Variants in NPM2 observed in about 807,000 individuals in gnomAD.
The protein encoded by NPM2 is nucleophosmin/nucleoplasmin 2.
A neutral mutation model predicts 32.0 loss-of-function variants in NPM2; 25 were observed. That is an observed-to-expected ratio of 0.78 (90% confidence interval 0.57 to 1.09). NPM2 has a LOEUF of 1.09. Ranked by LOEUF, NPM2 falls within the 50% of genes least tolerant of loss-of-function variation. NPM2 has a pLI of 0.00. For synonymous variants in NPM2, 111 were observed against 94.2 expected (o/e 1.18, Z -1.04); for missense variants, 282 against 259.9 (o/e 1.08, Z -0.58).
rs576327818 is a variant in NPM2, at chr8:22,024,738, G to C, written c.-126G>C. 6.5e-6 allele frequency: 1 copy of C among 153,436 alleles called. No homozygotes were observed. Among genetic ancestry groups the C allele is most frequent in the South Asian group, 2.1e-4 (1 of 4,864 alleles). The allele number at this position is 153,436 out of a possible 1,614,324, so 9.5% of individuals were successfully genotyped here. Reference sequence around the variant, plus strand: ...CCCCTTCCCAGGCTTCTTAGCCCGGGCTTGGACAGCCGCCTTCCGGCCAGA... The same window carrying C: ...CCCCTTCCCAGGCTTCTTAGCCCGGCCTTGGACAGCCGCCTTCCGGCCAGA... On this transcript the variant is annotated 5_prime_UTR_variant, in exon 2 of 10. Transcript: ENST00000518119.
At chr8:22,036,566 A>G in intron 9 of NPM2, 40 bp downstream of exon 9, 1 of 1,574,764 alleles carries the variant, frequency 6.4e-7, no homozygotes, top group Non-Finnish European at 8.6e-7. Context: ...GGGACAGGCG[A>G]GTATTCTCTG....
In NPM2 at chr8:22,032,203, C is replaced by T. The variant is rs184446605; in HGVS notation, c.271-927C>T. Among the ~76,000 whole-genome samples, 9 of 152,242 alleles carry T rather than the reference C, an allele frequency of 5.9e-5. 2 individuals carry two copies. Among genetic ancestry groups the T allele is most frequent in the Admixed American group, 3.9e-4 (6 of 15,290 alleles). ...AAAACAATAAGCTATCATTGTCATT[C>T]GAGAAAATTTGGGAAGTTTGGAAAA... On this transcript the variant is annotated intron_variant, in intron 5 of 9. Transcript: ENST00000518119.
Position 22,034,134 on chromosome 8 carries a change from G to A in NPM2, c.390G>A (p.Glu130=). ...AAGCATCAGACCTAACCTGGGAGGAGGAGGAGGAAGAAGAAGGGGAGGAGG... is the reference window on the plus strand; with the variant it reads ...AAGCATCAGACCTAACCTGGGAGGAAGAGGAGGAAGAAGAAGGGGAGGAGG... ...RYEASDLTWE[E]EEEEEGEEEE... The change falls in exon 7 of 10, where the codon GAG becomes GAA. Residue 130 remains glutamate, a synonymous_variant. Coordinates refer to ENST00000518119, the MANE Select transcript of NPM2 (RefSeq NM_001286680.2). The A allele has an allele frequency of 6.2e-7, 1 of 1,607,220 alleles. No homozygotes were observed. Among genetic ancestry groups the A allele is most frequent in the South Asian group, 1.1e-5 (1 of 89,132 alleles).
chr8:22,034,692 G>C lies in NPM2; in HGVS notation c.566+148G>C. 9.3e-6 allele frequency: 6 copies of C among 645,794 alleles called. No homozygotes were observed. The South Asian group carries it at 1.2e-4, about 13-fold the overall frequency. The allele number at this position is 645,794 out of a possible 1,614,324, so 40.0% of individuals were successfully genotyped here. A position where few individuals can be genotyped will look rare whatever the true frequency, so the allele number is the denominator to read the frequency against. Reference sequence around the variant, plus strand: ...GCAGGCACATGGGTATGGAAGTGCTGAAGGGTGGCATCACCTTTCTGGAAG... The same window carrying C: ...GCAGGCACATGGGTATGGAAGTGCTCAAGGGTGGCATCACCTTTCTGGAAG... On this transcript the variant is annotated intron_variant, in intron 8 of 9. Coordinates refer to ENST00000518119, the MANE Select transcript of NPM2 (RefSeq NM_001286680.2).
chr8:22,034,933 C>A (rs542187025), intron 8 of NPM2, among the ~76,000 whole-genome samples: 4 of 152,254 alleles, frequency 2.6e-5, no homozygotes, highest in Admixed American at 6.5e-5. Context: ...CATGATGAAA[C>A]CCTGTCTCTA....
At chr8:22,034,003 T>A in intron 6 of NPM2, 106 bp from the exon 7 acceptor site, 1 of 1,473,616 alleles carries the variant, frequency 6.8e-7, no homozygotes, top group South Asian at 1.4e-5. Context: ...AGGCTAGGAT[T>A]CCTCCAGGGC....
chr8:22,025,213 C>T lies in NPM2; in HGVS notation c.-33-3C>T. 1.9e-6 allele frequency: 3 copies of T among 1,602,864 alleles called. No individual in the cohort carries two copies. The highest frequency in any genetic ancestry group is 2.5e-6 in the Non-Finnish European group (3 of 1,176,700). Reference sequence around the variant, plus strand: ...AGGCCTCACGCGGGCGCCCTCCTTGCAGCTGCCCGGCCAGCCCGCTTCTCT... The same window carrying T: ...AGGCCTCACGCGGGCGCCCTCCTTGTAGCTGCCCGGCCAGCCCGCTTCTCT... On this transcript the variant is annotated splice_polypyrimidine_tract_variant and splice_region_variant and intron_variant, in intron 2 of 9. Transcript: ENST00000518119.
At position 22,033,160 on chromosome 8, in the gene NPM2, CCA is replaced by C. The variant is rs760116990; in HGVS notation, c.302_303del (p.Pro101ArgfsTer21). 3.8e-5 allele frequency: 61 copies of C among 1,614,012 alleles called. No individual in the cohort carries two copies. The highest frequency in any genetic ancestry group is 4.4e-5 in the Non-Finnish European group (52 of 1,180,010). ...CATGGTAGGAGTGCAGCTTTCTCCC[CCA>C]GTTACTTTCCAGCTCCGGGCTGGCT... Reference protein sequence around the residue: ...VSMVGVQLSPPVTFQLRAGSG... With the variant: ...VSMVGVQLSPXVTFQLRAGSG... On this transcript the variant is annotated frameshift_variant, in exon 6 of 10. Transcript: ENST00000518119. LOFTEE classifies it high-confidence loss of function.
intron 2 of NPM2, 155 bp from the exon 3 acceptor site, chr8:22,025,061 T>G: frequency 1.7e-6 from 1 of 597,016 alleles, no homozygotes; most frequent in South Asian, 2.3e-5. Context: ...TGGGTACTCG[T>G]CCTCCAGGAG....
intron 5 of NPM2, 100 bp from the exon 6 acceptor site, chr8:22,033,030 G>GT (rs1800490574): frequency 2.3e-6 from 2 of 853,784 alleles, no homozygotes; most frequent in Admixed American, 3.6e-5. Flanking sequence ...AGTGTGTAGG[G>GT]TTTGGGGAGG....
At chr8:22,036,219 A>G in intron 8 of NPM2, 2 of 417,362 alleles carry the variant, frequency 4.8e-6, no homozygotes, top group South Asian at 6.2e-5. Flanking sequence ...ACTGCACTCC[A>G]GCCTGGGCAA....
intron 7 of NPM2, 116 bp downstream of exon 7, chr8:22,034,391 C>T: frequency 5.1e-6 from 7 of 1,369,552 alleles, no homozygotes; most frequent in Non-Finnish European, 7.1e-6. Flanking sequence ...CAGGATGGGC[C>T]AAGGCCACCT....
At chr8:22,034,322 G>A in intron 7 of NPM2, 47 bp downstream of exon 7, 1 of 1,540,998 alleles carries the variant, frequency 6.5e-7, no homozygotes. Flanking sequence ...TACCCCTACA[G>A]AAGCACTTAA....
rs1285439824 is a variant in NPM2, at chr8:22,024,221, C to G, written c.-543C>G. On this transcript the variant is annotated 5_prime_UTR_variant, in exon 1 of 10. In the 5' UTR this introduces an upstream ATG that the reference lacks. Coordinates refer to ENST00000518119, the MANE Select transcript of NPM2 (RefSeq NM_001286680.2). ...CCCGCTGCGGCTCTCCGCGGGAGAT[C>G]TCACCGTTCTGGAGACAGGGCTCGC... 1 of 152,488 alleles carries G rather than the reference C, an allele frequency of 6.6e-6. No individual in the cohort carries two copies. Among genetic ancestry groups the G allele is most frequent in the African/African-American group, 2.4e-5 (1 of 41,448 alleles). The allele number at this position is 152,488 out of a possible 1,614,324, so 9.4% of individuals were successfully genotyped here. A position where few individuals can be genotyped will look rare whatever the true frequency, so the allele number is the denominator to read the frequency against.
intron 6 of NPM2, among the ~76,000 whole-genome samples, chr8:22,033,765 C>T (rs577300597): frequency 6.6e-6 from 1 of 152,324 alleles, no homozygotes; most frequent in Admixed American, 6.5e-5. Flanking sequence ...TTCCCCCTCT[C>T]CTCCTCTTCC....
chr8:22,034,411 C>G, intron 7 of NPM2, 99 bp from the exon 8 acceptor site: 1 of 1,382,144 alleles, frequency 7.2e-7, no homozygotes, highest in South Asian at 1.3e-5. Context: ...TCAGCTAGTT[C>G]TGGCCAGGAG....
chr8:22,034,132 G>A lies in NPM2; in HGVS notation c.388G>A (p.Glu130Lys). ...AGAAGCATCAGACCTAACCTGGGAG[G>A]AGGAGGAGGAAGAAGAAGGGGAGGA... ...RYEASDLTWEEEEEEEGEEEE... is the reference protein window; with the variant it reads ...RYEASDLTWEKEEEEEGEEEE... Residue 130 changes from glutamate (E) to lysine (K), a missense_variant, in exon 7 of 10, where the codon GAG becomes AAG. By Grantham distance (56) the Glu-to-Lys change is moderately conservative. Coordinates refer to ENST00000518119, the MANE Select transcript of NPM2 (RefSeq NM_001286680.2). 6.2e-7 allele frequency: 1 copy of A among 1,606,538 alleles called. No homozygotes were observed. The highest frequency in any genetic ancestry group is 8.5e-7 in the Non-Finnish European group (1 of 1,177,030).
chr8:22,033,803 G>C (rs557718585), intron 6 of NPM2, among the ~76,000 whole-genome samples: 1 of 151,812 alleles, frequency 6.6e-6, no homozygotes, highest in Non-Finnish European at 1.5e-5. Context: ...CTTTAGCCTT[G>C]GCCCCAGCCC....
At position 22,025,661 on chromosome 8, in the gene NPM2, G is replaced by A. The variant is rs1296426502; in HGVS notation, c.159G>A (p.Glu53=). The change falls in exon 5 of 10, where the codon GAG becomes GAA. Residue 53 remains glutamate (E), a synonymous_variant. Transcript: ENST00000518119. ...RLLLHTICLG[E]KAKEEMHRVE... is the part of the protein sequence containing the mutation. ...ACCCCGCTCAGATTTGCTTGGGGGAGAAAGCCAAAGAGGAGATGCATCGCG... is the reference window on the plus strand; with the variant it reads ...ACCCCGCTCAGATTTGCTTGGGGGAAAAAGCCAAAGAGGAGATGCATCGCG... 8.1e-6 allele frequency: 13 copies of A among 1,614,072 alleles called. No individual in the cohort carries two copies. Among genetic ancestry groups the A allele is most frequent in the African/African-American group, 1.3e-5 (1 of 74,924 alleles).
Sources: gnomAD v4.1 joint callset for allele counts (sites outside exome capture counted in the v4.1 genomes callset) on GRCh38, gnomAD v4.1.1 for gene constraint, MANE v1.5 for transcripts, NCBI Gene and HGNC (gene_info 2026-07-23, HGNC 2026-07-21) for gene names.